Variants in VAT1L observed in about 807,000 individuals in gnomAD.
VAT1L encodes the protein putative NADPH-dependent quinone oxidoreductase VAT1L.
In VAT1L, 34 loss-of-function variants were observed where a neutral mutation model predicts 44.1. The ratio of observed to expected loss-of-function variants is 0.77; its 90% CI spans 0.59 to 1.03. The LOEUF is 1.03. VAT1L is among the 50% of genes least tolerant of loss of function. The probability of loss-of-function intolerance (pLI) is 0.00; values close to 1 mark genes in which losing one functional copy is unlikely to be tolerated. For missense variants in VAT1L, 615 were observed against 538.8 expected (o/e 1.14, Z -1.40); for synonymous variants, 253 against 202.2 (o/e 1.25, Z -2.13).
intron 7 of VAT1L, among the ~76,000 whole-genome samples, chr16:77,956,462 T>C (rs1244221212): frequency 6.6e-6 from 1 of 152,184 alleles, no homozygotes; most frequent in Non-Finnish European, 1.5e-5. Flanking sequence ...TGACAGCACC[T>C]GGTAAGCACT....
chr16:77,840,667 G>A (rs1480107609), intron 3 of VAT1L, among the ~76,000 whole-genome samples: 2 of 152,126 alleles, frequency 1.3e-5, no homozygotes, highest in Admixed American at 6.5e-5. Context: ...GCAACTTAGT[G>A]ATGAATATGT....
intron 1 of VAT1L, 38 bp from the exon 2 acceptor site, chr16:77,816,883 A>G (rs749545321): frequency 1.3e-6 from 2 of 1,560,418 alleles, no homozygotes; most frequent in Non-Finnish European, 1.7e-6. Context: ...TTTGGATCTC[A>G]TTTTGAATTT....
chr16:77,835,546 G>T (rs910983983), intron 3 of VAT1L, among the ~76,000 whole-genome samples: 5 of 152,088 alleles, frequency 3.3e-5, no homozygotes, highest in African/African-American at 1.2e-4. Flanking sequence ...ACTCACTTTT[G>T]TCAGTCAAGT....
intron 7 of VAT1L, among the ~76,000 whole-genome samples, chr16:77,908,054 C>T (rs762393957): frequency 6.6e-6 from 1 of 152,128 alleles, no homozygotes; most frequent in Non-Finnish European, 1.5e-5. Context: ...TCCTGGCTAA[C>T]ATGGTGAAAC....
At chr16:77,972,610 G>A (rs911438762) in intron 8 of VAT1L, among the ~76,000 whole-genome samples, 2 of 151,984 alleles carry the variant, frequency 1.3e-5, no homozygotes, top group South Asian at 2.1e-4. Context: ...GTGAAACCCC[G>A]TCTCTACTAA....
intron 7 of VAT1L, among the ~76,000 whole-genome samples, chr16:77,897,113 A>G (rs1424502352): frequency 6.6e-6 from 1 of 152,214 alleles, no homozygotes; most frequent in African/African-American, 2.4e-5. Flanking sequence ...TTGCTAGACT[A>G]AGTAGATAAC....
intron 3 of VAT1L, among the ~76,000 whole-genome samples, chr16:77,850,215 A>G (rs2016794655): frequency 6.6e-6 from 1 of 152,196 alleles, no homozygotes; most frequent in African/African-American, 2.4e-5. Context: ...AGTAGGGGAC[A>G]TGAGCTTACA....
At chr16:77,958,380 T>A (rs1442225273) in intron 7 of VAT1L, among the ~76,000 whole-genome samples, 2 of 152,168 alleles carry the variant, frequency 1.3e-5, no homozygotes, top group South Asian at 2.1e-4. Flanking sequence ...GCAACAGATA[T>A]TTTCCCGCAG....
At chr16:77,951,800 T>G (rs2142524500) in intron 7 of VAT1L, among the ~76,000 whole-genome samples, 1 of 150,776 alleles carries the variant, frequency 6.6e-6, no homozygotes, top group South Asian at 2.1e-4. Context: ...TTTGTGTAGT[T>G]TTCTGTATCT....
At chr16:77,841,866 G>A (rs2016709615) in intron 3 of VAT1L, among the ~76,000 whole-genome samples, 1 of 151,884 alleles carries the variant, frequency 6.6e-6, no homozygotes, top group African/African-American at 2.4e-5. Context: ...ATCAGGAGAA[G>A]CTACCAAGGG....
At chr16:77,834,973 C>A (rs1165079554) in intron 3 of VAT1L, among the ~76,000 whole-genome samples, 1 of 152,124 alleles carries the variant, frequency 6.6e-6, no homozygotes, top group Non-Finnish European at 1.5e-5. Context: ...AAACATAGGA[C>A]CAGGCATAAA....
intron 1 of VAT1L, among the ~76,000 whole-genome samples, chr16:77,796,917 G>A (rs759951719): frequency 6.6e-6 from 1 of 152,132 alleles, no homozygotes; most frequent in Non-Finnish European, 1.5e-5. Flanking sequence ...TTAGAAGTGG[G>A]TACCTATGGC....
intron 3 of VAT1L, among the ~76,000 whole-genome samples, chr16:77,841,357 A>G (rs1425712349): frequency 6.6e-6 from 1 of 152,240 alleles, no homozygotes; most frequent in African/African-American, 2.4e-5. Context: ...TGCTAGGATT[A>G]CAGGCATGAG....
intron 7 of VAT1L, among the ~76,000 whole-genome samples, chr16:77,947,198 A>T (rs1034576889): frequency 6.6e-6 from 1 of 152,262 alleles, no homozygotes; most frequent in Non-Finnish European, 1.5e-5. Context: ...CGGAAGGAAC[A>T]TAAGGAGGAT....
intron 1 of VAT1L, among the ~76,000 whole-genome samples, chr16:77,798,583 G>C (rs1555510811): frequency 6.6e-6 from 1 of 152,092 alleles, no homozygotes; most frequent in African/African-American, 2.4e-5. Flanking sequence ...ATTAATGGTG[G>C]GGAGGAGGTA....
At chr16:77,926,077 A>G (rs930700165) in intron 7 of VAT1L, among the ~76,000 whole-genome samples, 2 of 151,726 alleles carry the variant, frequency 1.3e-5, no homozygotes, top group East Asian at 2.0e-4. Context: ...CCTGGCTAAC[A>G]CTGTGAAACC....
intron 3 of VAT1L, among the ~76,000 whole-genome samples, chr16:77,849,892 A>G (rs958004373): frequency 6.6e-6 from 1 of 152,224 alleles, no homozygotes; most frequent in Admixed American, 6.5e-5. Context: ...ATCTCTGAGG[A>G]CTGGCAGAAA....
chr16:77,887,081 A>G (rs376681516), intron 7 of VAT1L, among the ~76,000 whole-genome samples: 1 of 152,218 alleles, frequency 6.6e-6, no homozygotes, highest in Admixed American at 6.5e-5. Flanking sequence ...GTTTCTCTCA[A>G]TAGGTATCAT....
Position 77,879,342 on chromosome 16 carries a change from G to A in VAT1L, c.882+118G>A, listed in dbSNP as rs2017124174. ...CGTCTCGTTCTGTCACCAGGCTGGA[G>A]TGCAATGGCACGATCTCGGCTCATG... On this transcript the variant is annotated intron_variant, in intron 6 of 8. Transcript: ENST00000302536. This position sits in a 1 kb window ranked among gnomAD's most constrained non-coding sequence, Gnocchi z 4.1. 9.0e-7 allele frequency: 1 copy of A among 1,116,002 alleles called. No individual in the cohort carries two copies. Among genetic ancestry groups the A allele is most frequent in the Non-Finnish European group, 1.4e-6 (1 of 740,074 alleles). 69.1% of individuals were successfully genotyped at this position (1,116,002 alleles called of 1,614,324 possible). A position where few individuals can be genotyped will look rare whatever the true frequency, so the allele number is the denominator to read the frequency against.
Sources: allele counts gnomAD v4.1 joint callset (sites outside exome capture counted in the v4.1 genomes callset), GRCh38; gene constraint gnomAD v4.1.1; non-coding constraint Gnocchi (gnomAD v3.1); transcripts MANE v1.5; gene names NCBI Gene and HGNC (gene_info 2026-07-23, HGNC 2026-07-21).